Variants in SUN1 observed in about 807,000 individuals in gnomAD.
SUN1 encodes Sad1 and UNC84 domain containing 1, also known as SUN domain-containing protein 1.
Under a neutral mutation model 103.2 loss-of-function variants are expected in SUN1, and 61 were observed. That is an observed-to-expected ratio of 0.59 (90% CI 0.48 to 0.73). The LOEUF (loss-of-function observed/expected upper bound fraction) is 0.73. SUN1 is among the 30% of genes least tolerant of loss of function. The pLI, the probability that SUN1 is intolerant of heterozygous loss-of-function variation, is 0.00. For synonymous variants in SUN1, 490 were observed against 425.7 expected (o/e 1.15, Z -1.86); for missense variants, 1,052 against 1,034.6 (o/e 1.02, Z -0.23).
intron 3 of SUN1, 75 bp downstream of exon 3, chr7:842,205 G>A: frequency 6.6e-7 from 1 of 1,526,062 alleles, no homozygotes; most frequent in East Asian, 2.3e-5. Context: ...GAGAGGGGAG[G>A]CGGTGGCCAG....
Position 861,341 on chromosome 7 carries a change from G to A in SUN1, c.1780-39G>A, listed in dbSNP as rs191046339. The A allele has an allele frequency of 3.3e-4, 535 of 1,610,440 alleles. 5 individuals are homozygous for A. The Admixed American group carries it at 8.3e-3, about 25-fold the overall frequency. ...CTAAAACCCACGTCTCTCCTCTCCT[G>A]TTCTGGTGTTTGGTCTTCCGTCCCT... On this transcript the variant is annotated intron_variant, in intron 14 of 18. Transcript: ENST00000401592.
At chr7:819,812 G>T (rs899033245) in intron 1 of SUN1, among the ~76,000 whole-genome samples, 1 of 148,440 alleles carries the variant, frequency 6.7e-6, no homozygotes, top group East Asian at 2.0e-4. Context: ...AGGTTCAAAC[G>T]CTTCTCCCGC....
At chr7:849,545 G>A in intron 5 of SUN1, 1 of 1,393,272 alleles carries the variant, frequency 7.2e-7, no homozygotes. Context: ...ATGGGAGAAT[G>A]AATGTGAGAG....
At chr7:845,773 C>T (rs1315943653) in intron 5 of SUN1, among the ~76,000 whole-genome samples, 1 of 152,220 alleles carries the variant, frequency 6.6e-6, no homozygotes, top group Non-Finnish European at 1.5e-5. Flanking sequence ...CAATCCATCT[C>T]CTGGGGGAAC....
chr7:855,642 G>A (rs1826414921), intron 11 of SUN1, among the ~76,000 whole-genome samples: 1 of 152,224 alleles, frequency 6.6e-6, no homozygotes, highest in African/African-American at 2.4e-5. Flanking sequence ...CCCACTCCTG[G>A]ACCTTGGACC....
chr7:841,882 A>C (rs1401675013), intron 2 of SUN1, 64 bp from the exon 3 acceptor site: 11 of 1,543,898 alleles, frequency 7.1e-6, no homozygotes, highest in Admixed American at 1.8e-5. Flanking sequence ...TGTGTTGGTC[A>C]AATGTAATCA....
chr7:836,380 A>C (rs967240762), intron 1 of SUN1, among the ~76,000 whole-genome samples: 1 of 152,320 alleles, frequency 6.6e-6, no homozygotes, highest in East Asian at 1.9e-4. Context: ...TAGATTGATT[A>C]TGCGGAATTG....
At position 865,356 on chromosome 7, in the gene SUN1, C is replaced by T. The variant is rs192350527; in HGVS notation, c.1865-596C>T. ...GAACTCCTGACCTCAAGTGATCCAC[C>T]GGCCTCGGCCTCCCAAAGTGCTGGG... is the stretch of plus-strand genomic sequence containing the variant. On this transcript the variant is annotated intron_variant, in intron 15 of 18. Transcript: ENST00000401592. Among the ~76,000 whole-genome samples, 41 of 152,290 alleles carry T rather than the reference C, an allele frequency of 2.7e-4. No homozygotes were observed. The Middle Eastern group carries it at 0.01, about 38-fold the overall frequency.
intron 1 of SUN1, among the ~76,000 whole-genome samples, chr7:820,928 G>A (rs1785286903): frequency 6.6e-6 from 1 of 152,072 alleles, no homozygotes. Flanking sequence ...CCTTCTGGGG[G>A]TTCCATGATC....
intron 1 of SUN1, among the ~76,000 whole-genome samples, chr7:817,979 A>T (rs963044048): frequency 1.3e-5 from 2 of 151,602 alleles, no homozygotes; most frequent in African/African-American, 4.8e-5. Flanking sequence ...TAGTTTGGCC[A>T]TGGTATTTTA....
At chr7:831,324 T>C (rs1177692363), upstream of SUN1, among the ~76,000 whole-genome samples, 1 of 150,550 alleles carries the variant, frequency 6.6e-6, no homozygotes, top group East Asian at 2.0e-4. Context: ...CAGGCTGGCG[T>C]ACAGTGGTAC....
At chr7:848,321 A>G in intron 5 of SUN1, 1 of 1,093,418 alleles carries the variant, frequency 9.1e-7, no homozygotes, top group Non-Finnish European at 1.3e-6. Context: ...GTCCATTCTA[A>G]AAGTGCCTGA....
chr7:857,940 G>C lies in SUN1; in HGVS notation c.1507G>C (p.Asp503His). The C allele has an allele frequency of 6.3e-7, 1 of 1,587,598 alleles. No individual in the cohort carries two copies. The highest frequency in any genetic ancestry group is 8.6e-7 in the Non-Finnish European group (1 of 1,160,962). Residue 503 changes from aspartate to histidine, a missense_variant, in exon 13 of 19, where the codon GAT (aspartate) becomes CAT (histidine). Transcript: ENST00000401592. ...CGTGAAGACCGGCTGTGAGACAGTG[G>C]ATGCCGTACAAGAAAGAGTGAGCTT... ...RHVKTGCETV[D>H]AVQERVDVQV...
intron 5 of SUN1, 168 bp downstream of exon 5, chr7:843,688 G>T (rs1358133061): frequency 6.9e-7 from 1 of 1,455,830 alleles, no homozygotes; most frequent in Non-Finnish European, 9.1e-7. Flanking sequence ...TCCTCTTCTA[G>T]TTTACATTTT....
chr7:846,133 C>T (rs1815398889), intron 5 of SUN1, among the ~76,000 whole-genome samples: 2 of 151,916 alleles, frequency 1.3e-5, no homozygotes, highest in South Asian at 4.1e-4. Flanking sequence ...TTTTGAGATG[C>T]AGTCTTGCTC....
Position 873,448 on chromosome 7 carries a change from A to C in SUN1, c.*117A>C. 9.8e-7 allele frequency: 1 copy of C among 1,025,630 alleles called. No individual in the cohort carries two copies. The highest frequency in any genetic ancestry group is 1.4e-6 in the Non-Finnish European group (1 of 689,982). 63.5% of individuals were successfully genotyped at this position (1,025,630 alleles called of 1,614,324 possible). A position where few individuals can be genotyped will look rare whatever the true frequency, so the allele number is the denominator to read the frequency against. On this transcript the variant is annotated 3_prime_UTR_variant, in exon 19 of 19. Transcript: ENST00000401592. Reference sequence around the variant, plus strand: ...GGGACAGTGCCACACTCCTTCAATAAACGTGGCTGCTGGCCAGAGGACGTG... The same window carrying C: ...GGGACAGTGCCACACTCCTTCAATACACGTGGCTGCTGGCCAGAGGACGTG...
At chr7:861,878 G>A (rs1832524160) in intron 15 of SUN1, among the ~76,000 whole-genome samples, 1 of 152,204 alleles carries the variant, frequency 6.6e-6, no homozygotes, top group Non-Finnish European at 1.5e-5. Flanking sequence ...GGAATGATGG[G>A]GGCTGTGTTT....
chr7:866,399 G>A lies in SUN1; in HGVS notation c.1980+332G>A, dbSNP rs116554670. 6.6e-3 allele frequency among the ~76,000 whole-genome samples: 1,012 copies of A among 152,214 alleles called. 15 individuals are homozygous for A. Among genetic ancestry groups the A allele is most frequent in the African/African-American group, 0.023 (944 of 41,494 alleles). ...TTCCTGCTCGGGCCGTGGGTCTTCCGTCACGAGAGTGGCAGCTGTGCTTTC... is the reference window on the plus strand; with the variant it reads ...TTCCTGCTCGGGCCGTGGGTCTTCCATCACGAGAGTGGCAGCTGTGCTTTC... On this transcript the variant is annotated intron_variant, in intron 16 of 18. Coordinates refer to ENST00000401592, the MANE Select transcript of SUN1 (RefSeq NM_001130965.3).
chr7:861,307 T>C (rs1225378563), intron 14 of SUN1, 73 bp from the exon 15 acceptor site: 4 of 1,463,400 alleles, frequency 2.7e-6, no homozygotes, highest in Non-Finnish European at 3.8e-6. Context: ...CTGGTCCTCA[T>C]CCATGGCACT....
Sources: allele counts gnomAD v4.1 joint callset (sites outside exome capture counted in the v4.1 genomes callset), GRCh38; gene constraint gnomAD v4.1.1; transcripts MANE v1.5; gene names NCBI Gene and HGNC (gene_info 2026-07-23, HGNC 2026-07-21).